KAZN: variants seen among roughly 807,000 people sequenced by gnomAD.
KAZN encodes the protein kazrin, periplakin interacting protein.
Under a neutral mutation model 87.4 loss-of-function variants are expected in KAZN, and 40 were observed. That is an observed-to-expected ratio of 0.46 (90% CI 0.36 to 0.60). The LOEUF (loss-of-function observed/expected upper bound fraction) is 0.60, where lower values mean the gene tolerates loss of function less well. KAZN is among the 20% of genes least tolerant of loss of function. The probability of loss-of-function intolerance (pLI) is 0.00; values close to 1 mark genes in which losing one functional copy is unlikely to be tolerated. For missense variants in KAZN, 898 were observed against 1,073.9 expected (o/e 0.84, Z 2.29); for synonymous variants, 466 against 458.3 (o/e 1.02, Z -0.22).
intron 1 of KAZN, among the ~76,000 whole-genome samples, chr1:13,897,041 T>G (rs1639070828): frequency 1.3e-5 from 2 of 152,156 alleles, no homozygotes; most frequent in Non-Finnish European, 1.5e-5. Flanking sequence ...CCAGTTTGGC[T>G]GTTGCTGGCT....
intron 1 of KAZN, among the ~76,000 whole-genome samples, chr1:14,677,446 A>T (rs530026314): frequency 2.0e-5 from 3 of 152,266 alleles, no homozygotes; most frequent in East Asian, 3.9e-4. Context: ...TGACTGGCTC[A>T]TGAGTGACTC....
rs139420722 is a variant in KAZN at position 14,895,182 on chromosome 1, G to A, written c.227-65502G>A. Among the ~76,000 whole-genome samples, 108 of 152,314 alleles carry A rather than the reference G, an allele frequency of 7.1e-4. 1 individual carries two copies. The highest frequency in any genetic ancestry group is 6.8e-3 in the Middle Eastern group (2 of 294). On this transcript the variant is annotated intron_variant, in intron 1 of 14. Transcript: ENST00000376030. The stretch of plus-strand genomic sequence containing the variant: ...ATCATTTATGCCTTTTTCCCCCAAC[G>A]TGGGGCAATGGCCAGCCCCAGAATC...
chr1:14,663,898 C>A (rs1220650627), intron 1 of KAZN, among the ~76,000 whole-genome samples: 5 of 152,004 alleles, frequency 3.3e-5, no homozygotes, highest in Admixed American at 3.3e-4. Flanking sequence ...TTTCAAAAGC[C>A]AAAAAAAGCT....
At chr1:14,229,562 A>C (rs953661674) in intron 2 of KAZN, among the ~76,000 whole-genome samples, 2 of 152,256 alleles carry the variant, frequency 1.3e-5, no homozygotes, top group African/African-American at 4.8e-5. Context: ...ATTCTATGGC[A>C]AACAACGTCT....
At chr1:14,576,922 A>T (rs1389496379) in intron 2 of KAZN, among the ~76,000 whole-genome samples, 1 of 152,224 alleles carries the variant, frequency 6.6e-6, no homozygotes. Context: ...CTACCCAATT[A>T]CTGGTGAATC....
At chr1:14,021,777 C>A (rs544049768) in intron 1 of KAZN, among the ~76,000 whole-genome samples, 15 of 152,268 alleles carry the variant, frequency 9.9e-5, no homozygotes, top group Admixed American at 3.3e-4. Flanking sequence ...CTTATCACTT[C>A]TCAAGTATTG....
At chr1:14,488,899 G>A (rs1669494799) in intron 2 of KAZN, among the ~76,000 whole-genome samples, 1 of 152,172 alleles carries the variant, frequency 6.6e-6, no homozygotes, top group Admixed American at 6.5e-5. Flanking sequence ...ACTGTGTTTG[G>A]AGGACAGGAT....
chr1:14,769,146 C>A lies in KAZN; in HGVS notation c.226+169923C>A, dbSNP rs760924071. Among the ~76,000 whole-genome samples, 1 of 152,144 alleles carries A rather than the reference C, an allele frequency of 6.6e-6. No individual in the cohort carries two copies. Among genetic ancestry groups the A allele is most frequent in the Non-Finnish European group, 1.5e-5 (1 of 68,030 alleles). On this transcript the variant is annotated intron_variant, in intron 1 of 14. Coordinates refer to ENST00000376030, the MANE Select transcript of KAZN (RefSeq NM_201628.3). The surrounding 1 kb of genome is among the most constrained non-coding windows in gnomAD (Gnocchi z 4.1). The stretch of plus-strand genomic sequence containing the variant: ...GTGGTTGGAGCCAAGCCCATCAAGG[C>A]CAGCAGCAGGAAGCAGAGCACCTTT...
chr1:13,906,590 T>C (rs1308576050), intron 1 of KAZN, among the ~76,000 whole-genome samples: 1 of 152,216 alleles, frequency 6.6e-6, no homozygotes, highest in African/African-American at 2.4e-5. Flanking sequence ...CTTCCATATA[T>C]GTGTGATCGA....
chr1:14,249,851 A>G (rs1160883744), intron 2 of KAZN, among the ~76,000 whole-genome samples: 2 of 151,884 alleles, frequency 1.3e-5, no homozygotes, highest in Non-Finnish European at 2.9e-5. Context: ...TATCAGAAAC[A>G]GAAATGAATA....
chr1:14,123,101 A>C (rs971888619), intron 1 of KAZN, among the ~76,000 whole-genome samples: 2 of 152,168 alleles, frequency 1.3e-5, no homozygotes, highest in African/African-American at 4.8e-5. Flanking sequence ...AATTTCCACC[A>C]ATATCTTGAT....
At chr1:14,339,194 G>A (rs184135179) in intron 2 of KAZN, among the ~76,000 whole-genome samples, 8 of 152,076 alleles carry the variant, frequency 5.3e-5, no homozygotes, top group East Asian at 3.8e-4. Flanking sequence ...AAAAACAGGC[G>A]TTCAAAGCTC....
intron 2 of KAZN, among the ~76,000 whole-genome samples, chr1:14,571,930 A>G (rs1674894858): frequency 6.6e-6 from 1 of 152,154 alleles, no homozygotes; most frequent in African/African-American, 2.4e-5. Flanking sequence ...AGGAGCATCC[A>G]CCTGGTTCTC....
At chr1:14,482,626 T>C (rs1177109752) in intron 2 of KAZN, among the ~76,000 whole-genome samples, 3 of 151,804 alleles carry the variant, frequency 2.0e-5, no homozygotes, top group Non-Finnish European at 2.9e-5. Context: ...AATAATGGCA[T>C]CATTAGAAAG....
chr1:14,067,450 A>C (rs1015718450), intron 1 of KAZN, among the ~76,000 whole-genome samples: 3 of 152,208 alleles, frequency 2.0e-5, no homozygotes, highest in African/African-American at 4.8e-5. Flanking sequence ...ACAGATTTCC[A>C]ACCAGCCCCT....
intron 1 of KAZN, among the ~76,000 whole-genome samples, chr1:14,818,676 T>G (rs926200031): frequency 7.2e-5 from 11 of 152,292 alleles, no homozygotes; most frequent in African/African-American, 2.6e-4. Flanking sequence ...CAAAACTCAT[T>G]GCAGGGAAGG....
chr1:14,692,789 C>T (rs1202727655), intron 1 of KAZN, among the ~76,000 whole-genome samples: 1 of 152,160 alleles, frequency 6.6e-6, no homozygotes, highest in Non-Finnish European at 1.5e-5. Context: ...AAAAATTAGC[C>T]AGGCGTAGTG....
chr1:14,598,854 C>A lies in KAZN; in HGVS notation c.-144C>A. The A allele has an allele frequency of 7.0e-7, 1 of 1,421,564 alleles. No individual in the cohort carries two copies. Among genetic ancestry groups the A allele is most frequent in the Non-Finnish European group, 9.1e-7 (1 of 1,094,560 alleles). 88.1% of individuals were successfully genotyped at this position (1,421,564 alleles called of 1,614,324 possible). The stretch of plus-strand genomic sequence containing the variant: ...CATTCCTGTGCCGGAGGAACCGGCG[C>A]TGCCGGTGCCTGGGGGTCGGGGCGC... On this transcript the variant is annotated 5_prime_UTR_variant, in exon 1 of 15. The change creates a new upstream start codon in the 5' untranslated region. Transcript: ENST00000376030. This position sits in a 1 kb window ranked among gnomAD's most constrained non-coding sequence, Gnocchi z 4.2.
intron 2 of KAZN, among the ~76,000 whole-genome samples, chr1:14,416,590 A>G (rs1313365737): frequency 6.6e-6 from 1 of 152,068 alleles, no homozygotes; most frequent in African/African-American, 2.4e-5. Context: ...TACAAAAATT[A>G]GCCGGGCATG....
Sources: gnomAD v4.1 joint callset for allele counts (sites outside exome capture counted in the v4.1 genomes callset) on GRCh38, gnomAD v4.1.1 for gene constraint, Gnocchi (gnomAD v3.1) non-coding constraint, MANE v1.5 for transcripts, NCBI Gene and HGNC (gene_info 2026-07-23, HGNC 2026-07-21) for gene names.